MYT1L: variants seen among roughly 807,000 people sequenced by gnomAD.
MYT1L encodes the protein myelin transcription factor 1 like.
MYT1L carries 12 observed loss-of-function variants against 126.7 expected under a neutral mutation model. The observed-to-expected ratio is 0.09, with a 90% confidence interval of 0.06 to 0.15. The LOEUF is 0.15. Among genes scored for constraint, MYT1L ranks in the 10% least tolerant of loss-of-function variants. MYT1L has a pLI of 1.00. For missense variants in MYT1L, 979 were observed against 1,585.2 expected (o/e 0.62, Z 6.49); for synonymous variants, 541 against 604.2 (o/e 0.90, Z 1.53).
rs138139125 is a variant in MYT1L at position 1,989,138 on chromosome 2, C to CGT, written c.-1+8051_-1+8052dup. Among the ~76,000 whole-genome samples the CGT allele has an allele frequency of 3.6e-3, 551 of 151,382 alleles. 2 individuals carry two copies. Among genetic ancestry groups the CGT allele is most frequent in the African/African-American group, 0.012 (483 of 41,320 alleles). ...TTGCATTTACAAAATCTAAAAAGTG[C>CGT]GTGTGTGTGTGTGTGTCAGGTGGGA... On this transcript the variant is annotated intron_variant, in intron 5 of 24. Coordinates refer to ENST00000647738, the MANE Select transcript of MYT1L (RefSeq NM_001303052.2).
chr2:2,090,037 C>T (rs906817429), intron 3 of MYT1L, among the ~76,000 whole-genome samples: 7 of 152,172 alleles, frequency 4.6e-5, no homozygotes, highest in African/African-American at 1.2e-4. Flanking sequence ...TTGTCCCCAT[C>T]CCATCCCTCT....
chr2:2,173,996 A>G (rs2090418908), intron 2 of MYT1L, among the ~76,000 whole-genome samples: 1 of 152,250 alleles, frequency 6.6e-6, no homozygotes, highest in East Asian at 1.9e-4. Context: ...AAGGCAGCCA[A>G]TAAAATGCAA....
At chr2:2,157,117 G>A (rs1183069082) in intron 3 of MYT1L, among the ~76,000 whole-genome samples, 1 of 152,150 alleles carries the variant, frequency 6.6e-6, no homozygotes, top group African/African-American at 2.4e-5. Flanking sequence ...TAGAAGCACA[G>A]AGTACATTTT....
chr2:1,901,275 A>T (rs937975632), intron 14 of MYT1L, among the ~76,000 whole-genome samples: 5 of 152,230 alleles, frequency 3.3e-5, no homozygotes, highest in Admixed American at 3.3e-4. Flanking sequence ...AACAACAAAA[A>T]AACAGGTGCG....
chr2:1,914,934 G>A (rs1274845302), intron 11 of MYT1L, among the ~76,000 whole-genome samples: 1 of 152,196 alleles, frequency 6.6e-6, no homozygotes, highest in East Asian at 1.9e-4. Flanking sequence ...AGGACAGCTG[G>A]AGCATCACCT....
At position 1,954,738 on chromosome 2, in the gene MYT1L, G is replaced by T. The variant is rs115574174; in HGVS notation, c.153-11404C>A. 1.9e-4 allele frequency among the ~76,000 whole-genome samples: 29 copies of T among 152,116 alleles called. No individual in the cohort carries two copies. In the East Asian group the frequency reaches 4.3e-3, roughly 22 times the overall value. On this transcript the variant is annotated intron_variant, in intron 8 of 24. Transcript: ENST00000647738. ...ACCTTGAATGATAGTAATTACAATTGATTTGAAAAAGTGAGAAACAAGCTT... is the reference window on the plus strand; with the variant it reads ...ACCTTGAATGATAGTAATTACAATTTATTTGAAAAAGTGAGAAACAAGCTT...
At chr2:2,114,998 C>T (rs73911371) in intron 3 of MYT1L, among the ~76,000 whole-genome samples, 1,676 of 152,302 alleles carry the variant, frequency 0.011, 31 homozygotes, top group African/African-American at 0.034. Flanking sequence ...GTTTTCTGTT[C>T]GTCATACACA....
chr2:2,098,728 G>A (rs1431416237), intron 3 of MYT1L, among the ~76,000 whole-genome samples: 1 of 152,222 alleles, frequency 6.6e-6, no homozygotes, highest in Non-Finnish European at 1.5e-5. Context: ...CACAAACATT[G>A]ATGTGACAGA....
intron 4 of MYT1L, among the ~76,000 whole-genome samples, chr2:2,048,088 CA>C (rs2068405075): frequency 6.6e-6 from 1 of 152,072 alleles, no homozygotes; most frequent in Non-Finnish European, 1.5e-5. Flanking sequence ...CACTGTGCAC[CA>C]AGCACCTCCT....
chr2:2,256,615 A>G (rs2094819759), intron 2 of MYT1L, among the ~76,000 whole-genome samples: 1 of 152,234 alleles, frequency 6.6e-6, no homozygotes, highest in East Asian at 1.9e-4. Flanking sequence ...TAACCTTTAG[A>G]ACATTGTGCA....
At chr2:1,970,605 G>A (rs1297505760) in intron 8 of MYT1L, among the ~76,000 whole-genome samples, 6 of 152,198 alleles carry the variant, frequency 3.9e-5, no homozygotes, top group Non-Finnish European at 8.8e-5. Context: ...GTTCCCGGGG[G>A]CTCTGTGGTT....
chr2:2,114,881 T>C (rs2079991265), intron 3 of MYT1L, among the ~76,000 whole-genome samples: 1 of 152,226 alleles, frequency 6.6e-6, no homozygotes, highest in Non-Finnish European at 1.5e-5. Flanking sequence ...TTTCACTCAG[T>C]GTCCTGCCTG....
intron 21 of MYT1L, among the ~76,000 whole-genome samples, chr2:1,823,662 G>A (rs1270897945): frequency 6.6e-6 from 1 of 150,476 alleles, no homozygotes; most frequent in East Asian, 1.9e-4. Flanking sequence ...GCAGCGATGA[G>A]GCTGAGTGCC....
chr2:2,246,145 C>T (rs552635346), intron 2 of MYT1L, among the ~76,000 whole-genome samples: 1 of 152,312 alleles, frequency 6.6e-6, no homozygotes, highest in African/African-American at 2.4e-5. Flanking sequence ...CCACCTGAGG[C>T]ACCTGGTATG....
intron 8 of MYT1L, among the ~76,000 whole-genome samples, chr2:1,955,212 A>G (rs2058240937): frequency 6.8e-6 from 1 of 147,472 alleles, no homozygotes; most frequent in African/African-American, 2.5e-5. Flanking sequence ...AAAATGCAGA[A>G]AAAAAAAAAT....
chr2:1,946,825 C>T (rs533587282), intron 8 of MYT1L, among the ~76,000 whole-genome samples: 1 of 152,110 alleles, frequency 6.6e-6, no homozygotes, highest in Non-Finnish European at 1.5e-5. Context: ...TGAATCACCA[C>T]CGGACAACCT....
At chr2:2,047,711 T>G (rs969381098) in intron 4 of MYT1L, among the ~76,000 whole-genome samples, 15 of 152,308 alleles carry the variant, frequency 9.8e-5, no homozygotes, top group African/African-American at 3.1e-4. Context: ...ACAACAAGCT[T>G]AAATGGAAGA....
intron 2 of MYT1L, among the ~76,000 whole-genome samples, chr2:2,282,056 C>T (rs2095455150): frequency 6.6e-6 from 1 of 152,086 alleles, no homozygotes; most frequent in Non-Finnish European, 1.5e-5. Context: ...CAATAATGGT[C>T]GCTATATTAA....
intron 2 of MYT1L, among the ~76,000 whole-genome samples, chr2:2,276,403 C>A (rs1238212897): frequency 6.6e-6 from 1 of 152,134 alleles, no homozygotes; most frequent in Non-Finnish European, 1.5e-5. Flanking sequence ...GGATGTGGAT[C>A]AGACAGTTCT....
Sources: allele counts gnomAD v4.1 joint callset (sites outside exome capture counted in the v4.1 genomes callset), GRCh38; gene constraint gnomAD v4.1.1; transcripts MANE v1.5; gene names NCBI Gene and HGNC (gene_info 2026-07-23, HGNC 2026-07-21).